Variants in GEMIN7 observed in about 807,000 individuals in gnomAD.
GEMIN7 encodes gem nuclear organelle associated protein 7, also known as gem-associated protein 7.
Under a neutral mutation model 7.8 loss-of-function variants are expected in GEMIN7, and 7 were observed. The observed-to-expected ratio is 0.90, with a 90% confidence interval of 0.51 to 1.69. The LOEUF (loss-of-function observed/expected upper bound fraction) is 1.69, where lower values mean the gene tolerates loss of function less well. Among genes scored for constraint, GEMIN7 ranks in the 40% most tolerant of loss-of-function variants. The pLI, the probability that GEMIN7 is intolerant of heterozygous loss-of-function variation, is 0.00. For missense variants in GEMIN7, 159 were observed against 176.2 expected (o/e 0.90, Z 0.55); for synonymous variants, 68 against 72.4 (o/e 0.94, Z 0.31).
intron 2 of GEMIN7, among the ~76,000 whole-genome samples, chr19:45,083,932 C>T (rs1465171640): frequency 3.3e-5 from 5 of 151,828 alleles, no homozygotes; most frequent in East Asian, 2.0e-4. Context: ...AAATTTAGGC[C>T]GGGCACGGTG....
chr19:45,077,730 A>G (rs1226248287), upstream of GEMIN7, among the ~76,000 whole-genome samples: 1 of 151,466 alleles, frequency 6.6e-6, no homozygotes, highest in Non-Finnish European at 1.5e-5. Flanking sequence ...TGCAAATTAC[A>G]CTCCATGACC....
upstream of GEMIN7, among the ~76,000 whole-genome samples, chr19:45,078,370 G>A (rs1001540621): frequency 2.6e-5 from 4 of 152,132 alleles, no homozygotes; most frequent in African/African-American, 4.8e-5. Flanking sequence ...AATTACAGGC[G>A]TGAGCCACCG....
In GEMIN7 at chr19:45,090,288, A is replaced by ACGAGCCGCC; in HGVS notation, c.176_184dup (p.Arg59_Ala61dup). 1 of 1,614,172 alleles carries ACGAGCCGCC rather than the reference A, an allele frequency of 6.2e-7. No individual in the cohort carries two copies. The highest frequency in any genetic ancestry group is 8.5e-7 in the Non-Finnish European group (1 of 1,180,018). ...CCCTGGAATCCCAGGAGCAGCGGGC[A>ACGAGCCGCC]CGAGCCGCCCTTCGGGAGCGTTACC... On this transcript the variant is annotated inframe_insertion, in exon 3 of 3. Coordinates refer to ENST00000270257, the MANE Select transcript of GEMIN7 (RefSeq NM_024707.3).
At chr19:45,076,347 C>T, upstream of GEMIN7, 1 of 1,358,174 alleles carries the variant, frequency 7.4e-7, no homozygotes, top group Non-Finnish European at 9.5e-7. The surrounding 1 kb of genome is among the most constrained non-coding windows in gnomAD (Gnocchi z 4.9). Context: ...CTCGGCGGGG[C>T]GCGCTGCCGG....
upstream of GEMIN7, chr19:45,075,886 AGCGTG>A: frequency 2.5e-6 from 4 of 1,610,324 alleles, no homozygotes; most frequent in Non-Finnish European, 3.4e-6. Flanking sequence ...GCGGGTGGTG[AGCGTG>A]GGGTGGGGCC....
At chr19:45,082,851 G>A (rs1225932326) in intron 2 of GEMIN7, among the ~76,000 whole-genome samples, 2 of 145,856 alleles carry the variant, frequency 1.4e-5, no homozygotes, top group African/African-American at 2.6e-5. Context: ...GAACTCCTAC[G>A]CTAAAGCAAT....
In GEMIN7 at chr19:45,090,293, C is replaced by CCGCCCTT; in HGVS notation, c.182_188dup (p.Glu64ProfsTer61). The stretch of plus-strand genomic sequence containing the variant: ...GAATCCCAGGAGCAGCGGGCACGAG[C>CCGCCCTT]CGCCCTTCGGGAGCGTTACCTCCGC... On this transcript the variant is annotated frameshift_variant, in exon 3 of 3. Coordinates refer to ENST00000270257, the MANE Select transcript of GEMIN7 (RefSeq NM_024707.3). LOFTEE classifies it high-confidence loss of function. 1.9e-6 allele frequency: 3 copies of CCGCCCTT among 1,614,168 alleles called. No homozygotes were observed. The highest frequency in any genetic ancestry group is 1.3e-5 in the African/African-American group (1 of 75,066).
intron 2 of GEMIN7, among the ~76,000 whole-genome samples, chr19:45,084,961 C>T (rs974200064): frequency 1.3e-5 from 2 of 152,226 alleles, no homozygotes; most frequent in African/African-American, 4.8e-5. Flanking sequence ...TTAGTAGAGG[C>T]AGGGTCTCTC....
chr19:45,081,914 C>T (rs576741302), intron 2 of GEMIN7, among the ~76,000 whole-genome samples: 13 of 152,204 alleles, frequency 8.5e-5, no homozygotes, highest in East Asian at 7.7e-4. Flanking sequence ...TGACCTACTG[C>T]GCCCAGCCTC....
intron 2 of GEMIN7, among the ~76,000 whole-genome samples, chr19:45,084,598 T>C (rs189113020): frequency 2.0e-5 from 3 of 151,514 alleles, no homozygotes; most frequent in East Asian, 2.0e-4. Flanking sequence ...GTTTTTGAGA[T>C]GGAGTCCCAG....
intron 2 of GEMIN7, chr19:45,088,670 C>T (rs2122684221): frequency 6.6e-6 from 1 of 152,100 alleles, no homozygotes; most frequent in South Asian, 2.1e-4. Context: ...TCACTTGAGG[C>T]CAGAAGTTCA....
intron 2 of GEMIN7, chr19:45,085,483 A>G (rs1568431532): frequency 6.6e-6 from 1 of 152,152 alleles, no homozygotes; most frequent in Non-Finnish European, 1.5e-5. Context: ...CAAACCCTAC[A>G]CCTATGCGTT....
chr19:45,085,368 T>G (rs1967646041), intron 2 of GEMIN7: 2 of 152,222 alleles, frequency 1.3e-5, no homozygotes, highest in African/African-American at 4.8e-5. Flanking sequence ...GCAATTCACA[T>G]TCACCAATTC....
chr19:45,076,356 G>C (rs754272190), upstream of GEMIN7: 68 of 1,351,878 alleles, frequency 5.0e-5, no homozygotes, highest in Middle Eastern at 4.0e-4. This position sits in a 1 kb window ranked among gnomAD's most constrained non-coding sequence, Gnocchi z 4.9. Context: ...GCGCGCTGCC[G>C]GCCTTGCGGC....
Position 45,090,580 on chromosome 19 carries a change from AG to A in GEMIN7, c.*72del, listed in dbSNP as rs1180817298. ...CCAGGCCTCCCAATGTTCCCGAGCC[AG>A]GAACTCTGGGCCCCATGGAGTTATG... On this transcript the variant is annotated 3_prime_UTR_variant, in exon 3 of 3. Transcript: ENST00000270257. 1 of 1,464,408 alleles carries A rather than the reference AG, an allele frequency of 6.8e-7. No individual in the cohort carries two copies. The highest frequency in any genetic ancestry group is 9.3e-7 in the Non-Finnish European group (1 of 1,071,164). The allele number at this position is 1,464,408 out of a possible 1,614,324, so 90.7% of individuals were successfully genotyped here.
In GEMIN7 at chr19:45,080,773, T is replaced by G. The variant is rs200873324; in HGVS notation, c.-9+744T>G. Among the ~76,000 whole-genome samples, 21 of 150,472 alleles carry G rather than the reference T, an allele frequency of 1.4e-4. No individual in the cohort carries two copies. The East Asian group carries it at 3.5e-3, about 25-fold the overall frequency. Reference sequence around the variant, plus strand: ...AATCTCCCTTGTTTTTTGTTTTTTTTTTTTTTTTTCCTGATGGAGAAAACA... The same window carrying G: ...AATCTCCCTTGTTTTTTGTTTTTTTGTTTTTTTTTCCTGATGGAGAAAACA... On this transcript the variant is annotated intron_variant, in intron 2 of 2. Transcript: ENST00000270257.
intron 2 of GEMIN7, 45 bp from the exon 3 acceptor site, chr19:45,090,062 T>A: frequency 1.9e-6 from 3 of 1,562,700 alleles, no homozygotes; most frequent in Non-Finnish European, 2.6e-6. Context: ...ATTAGCCCCA[T>A]GCTTACCATG....
Position 45,090,357 on chromosome 19 carries a change from GT to G in GEMIN7, c.245del (p.Leu82CysfsTer30), listed in dbSNP as rs1400027990. 6.2e-7 allele frequency: 1 copy of G among 1,614,184 alleles called. No homozygotes were observed. The highest frequency in any genetic ancestry group is 8.5e-7 in the Non-Finnish European group (1 of 1,180,038). ...TGGTGGGTCATCAGGTGAGCTTCAC[GT>G]TGCACGAGGGTGTGCGTGTGGCCGC... Reference protein sequence around the residue: ...AMVGHQVSFTLHEGVRVAAHF... With the variant: ...AMVGHQVSFTXHEGVRVAAHF... On this transcript the variant is annotated frameshift_variant, in exon 3 of 3. Coordinates refer to ENST00000270257, the MANE Select transcript of GEMIN7 (RefSeq NM_024707.3). LOFTEE classifies it high-confidence loss of function.
chr19:45,076,254 C>T (rs146219923), upstream of GEMIN7: 105 of 1,500,466 alleles, frequency 7.0e-5, no homozygotes, highest in African/African-American at 1.3e-3. This position sits in a 1 kb window ranked among gnomAD's most constrained non-coding sequence, Gnocchi z 4.9. Context: ...GTTGGGGCTG[C>T]GCGTCTGGCT....
Sources: allele counts gnomAD v4.1 joint callset (sites outside exome capture counted in the v4.1 genomes callset), GRCh38; gene constraint gnomAD v4.1.1; non-coding constraint Gnocchi (gnomAD v3.1); transcripts MANE v1.5; gene names NCBI Gene and HGNC (gene_info 2026-07-23, HGNC 2026-07-21).